The following YEATS4 variants were observed in gnomAD, a reference collection of about 807,000 sequenced individuals.
YEATS4 encodes the protein YEATS domain containing 4.
Under a neutral mutation model 30.1 loss-of-function variants are expected in YEATS4, and 17 were observed. The ratio of observed to expected loss-of-function variants is 0.56; its 90% CI spans 0.39 to 0.85. The LOEUF (loss-of-function observed/expected upper bound fraction) is 0.85, where lower values mean the gene tolerates loss of function less well. YEATS4 is among the 40% of genes least tolerant of loss of function. YEATS4 has a pLI of 0.00. For synonymous variants in YEATS4, 85 were observed against 87.5 expected, an observed-to-expected ratio of 0.97 and a Z score of 0.16; for missense variants, 142 against 268.3, an observed-to-expected ratio of 0.53 and a Z score of 3.29.
chr12:69,364,207 C>CT (rs1565674690), intron 2 of YEATS4: 1 of 447,998 alleles, frequency 2.2e-6, no homozygotes, highest in Non-Finnish European at 4.5e-6. Context: ...AATCTCAGCA[C>CT]TATGGGAGGC....
the YEATS4 span, among the ~76,000 whole-genome samples, chr12:69,401,676 G>A: frequency 1.3e-5 from 2 of 152,172 alleles, no homozygotes; most frequent in Non-Finnish European, 2.9e-5. Context: ...GGGCAGAGCT[G>A]GAAATTAAAA....
At chr12:69,387,804 GAAGCAC>G (rs1868269499) in intron 6 of YEATS4, among the ~76,000 whole-genome samples, 1 of 152,218 alleles carries the variant, frequency 6.6e-6, no homozygotes, top group Non-Finnish European at 1.5e-5. Flanking sequence ...TCTCTGGGAA[GAAGCAC>G]TGATTGGTCA....
chr12:69,370,527 A>G (rs1223413540), intron 4 of YEATS4, among the ~76,000 whole-genome samples, 179 bp from the exon 5 acceptor site: 1 of 152,238 alleles, frequency 6.6e-6, no homozygotes, highest in African/African-American at 2.4e-5. Context: ...AATGGATCTA[A>G]TAGGAAAATA....
chr12:69,425,370 G>A, the YEATS4 span, among the ~76,000 whole-genome samples: 1 of 152,126 alleles, frequency 6.6e-6, no homozygotes, highest in Non-Finnish European at 1.5e-5. Context: ...TTGAGAAAGG[G>A]GCCTGAATAA....
At chr12:69,385,134 C>T (rs7980883) in intron 6 of YEATS4, among the ~76,000 whole-genome samples, 60,916 of 151,746 alleles carry the variant, frequency 0.4, 12,530 homozygotes, top group Non-Finnish European at 0.46. Flanking sequence ...GCCTTGGCCC[C>T]CTAACAGTAG....
In YEATS4 at chr12:69,362,795, C is replaced by T; in HGVS notation, c.59C>T (p.Thr20Ile). Residue 20 changes from threonine (T) to isoleucine (I), a missense_variant, in exon 2 of 7, where the codon ACT (threonine) becomes ATT (isoleucine). Transcript: ENST00000247843. Reference sequence around the variant, plus strand: ...AAATTATTTTTCTTTTAGGGTGTTACTATCGTTAAACCAATAGTTTACGGT... The same window carrying T: ...AAATTATTTTTCTTTTAGGGTGTTATTATCGTTAAACCAATAGTTTACGGT... ...PDSGGRVKGV[T>I]IVKPIVYGNV... 2 of 1,603,166 alleles carry T rather than the reference C, an allele frequency of 1.2e-6. No homozygotes were observed. The highest frequency in any genetic ancestry group is 8.5e-7 in the Non-Finnish European group (1 of 1,173,826).
At chr12:69,426,439 C>A in the YEATS4 span, among the ~76,000 whole-genome samples, 2 of 152,104 alleles carry the variant, frequency 1.3e-5, no homozygotes, top group African/African-American at 2.4e-5. Context: ...GGCGCCATCT[C>A]GGCTCACTGC....
intron 6 of YEATS4, among the ~76,000 whole-genome samples, chr12:69,389,668 C>T (rs1646193517): frequency 6.6e-6 from 1 of 151,484 alleles, no homozygotes; most frequent in African/African-American, 2.4e-5. Context: ...TGTGCACCAC[C>T]ACGCCCTGCT....
At chr12:69,363,466 A>T (rs938376543) in intron 2 of YEATS4, among the ~76,000 whole-genome samples, 1 of 152,240 alleles carries the variant, frequency 6.6e-6, no homozygotes, top group African/African-American at 2.4e-5. Context: ...TATTTATGCT[A>T]TAAATACAGT....
intron 6 of YEATS4, among the ~76,000 whole-genome samples, chr12:69,372,041 C>T (rs907468797): frequency 1.3e-5 from 2 of 151,874 alleles, no homozygotes; most frequent in Non-Finnish European, 2.9e-5. Flanking sequence ...AACAAGAGGA[C>T]GAGGAGTGGG....
chr12:69,410,524 T>C, the YEATS4 span, among the ~76,000 whole-genome samples: 381 of 152,352 alleles, frequency 2.5e-3, no homozygotes, highest in African/African-American at 8.9e-3. Context: ...ATGTGCCACA[T>C]AATTGTTGGA....
intron 6 of YEATS4, among the ~76,000 whole-genome samples, chr12:69,373,976 G>A (rs527285549): frequency 4.6e-5 from 7 of 152,030 alleles, no homozygotes; most frequent in African/African-American, 1.7e-4. Context: ...AGTCTGTTCC[G>A]TTGGTTTATG....
intron 6 of YEATS4, among the ~76,000 whole-genome samples, chr12:69,377,500 A>G (rs938804582): frequency 4.0e-5 from 6 of 151,872 alleles, no homozygotes; most frequent in African/African-American, 1.5e-4. Flanking sequence ...TCCTCAAGCG[A>G]TCCTCCCACC....
intron 6 of YEATS4, among the ~76,000 whole-genome samples, chr12:69,385,287 G>A (rs993097570): frequency 4.5e-5 from 5 of 110,108 alleles, no homozygotes; most frequent in African/African-American, 1.3e-4. Context: ...TAGTTGTACC[G>A]ATTAAGAGTA....
rs562115880 is a variant in YEATS4 at position 69,374,052 on chromosome 12, A to G, written c.514+3077A>G. Among the ~76,000 whole-genome samples the G allele has an allele frequency of 3.3e-5, 5 of 151,950 alleles. No individual in the cohort carries two copies. The East Asian group carries it at 9.7e-4, about 29-fold the overall frequency. On this transcript the variant is annotated intron_variant, in intron 6 of 6. Coordinates refer to ENST00000247843, the MANE Select transcript of YEATS4 (RefSeq NM_006530.4). Reference sequence around the variant, plus strand: ...TAGCTCTGTAGTATAATTTGAAGTCAGGTGATTCCTCCAGTTTTGTTCTTT... The same window carrying G: ...TAGCTCTGTAGTATAATTTGAAGTCGGGTGATTCCTCCAGTTTTGTTCTTT...
the YEATS4 span, among the ~76,000 whole-genome samples, chr12:69,396,146 C>T: frequency 6.6e-6 from 1 of 152,190 alleles, no homozygotes; most frequent in East Asian, 1.9e-4. Flanking sequence ...CTCAACACGG[C>T]TTCATTGCTC....
At chr12:69,419,824 G>A in the YEATS4 span, among the ~76,000 whole-genome samples, 1 of 152,198 alleles carries the variant, frequency 6.6e-6, no homozygotes, top group Non-Finnish European at 1.5e-5. Flanking sequence ...AGACATTTGA[G>A]AAAGGCCTCA....
chr12:69,363,696 T>A (rs1875322612), intron 2 of YEATS4, among the ~76,000 whole-genome samples: 1 of 152,210 alleles, frequency 6.6e-6, no homozygotes, highest in Non-Finnish European at 1.5e-5. Context: ...ATTTATTGAG[T>A]GAGTAAATTA....
intron 6 of YEATS4, among the ~76,000 whole-genome samples, chr12:69,380,874 T>C (rs972735604): frequency 6.6e-6 from 1 of 152,070 alleles, no homozygotes; most frequent in African/African-American, 2.4e-5. Context: ...ACCAGCAAGT[T>C]TTTATTAGTG....
Sources: allele counts gnomAD v4.1 joint callset (sites outside exome capture counted in the v4.1 genomes callset), GRCh38; gene constraint gnomAD v4.1.1; transcripts MANE v1.5; gene names NCBI Gene and HGNC (gene_info 2026-07-23, HGNC 2026-07-21).